Variants in GPM6A observed in about 807,000 individuals in gnomAD.
The protein encoded by GPM6A is neuronal membrane glycoprotein M6-a.
In GPM6A, 7 loss-of-function variants were observed where a neutral mutation model predicts 32.1. The ratio of observed to expected loss-of-function variants is 0.22; its 90% confidence interval spans 0.12 to 0.41. GPM6A has a LOEUF of 0.41. Among genes scored for constraint, GPM6A ranks in the 10% least tolerant of loss-of-function variants. The pLI, the probability that GPM6A is intolerant of heterozygous loss-of-function variation, is 1.00. For missense variants in GPM6A, 235 were observed against 347.2 expected, an observed-to-expected ratio of 0.68 and a Z score of 2.57; for synonymous variants, 130 against 123.4, an observed-to-expected ratio of 1.05 and a Z score of -0.35.
chr4:175,774,352 CATT>C (rs1236574130), intron 1 of GPM6A, among the ~76,000 whole-genome samples: 1 of 152,028 alleles, frequency 6.6e-6, no homozygotes, highest in Non-Finnish European at 1.5e-5. Context: ...TATTTAAAAA[CATT>C]AATAAGCATA....
At chr4:175,636,065 C>T (rs951015281) in intron 6 of GPM6A, among the ~76,000 whole-genome samples, 1 of 151,216 alleles carries the variant, frequency 6.6e-6, no homozygotes, top group Non-Finnish European at 1.5e-5. Flanking sequence ...CAACAAACAG[C>T]AAAAAACAAA....
At chr4:175,830,298 T>C (rs1384932618) in intron 1 of GPM6A, among the ~76,000 whole-genome samples, 1 of 152,216 alleles carries the variant, frequency 6.6e-6, no homozygotes, top group African/African-American at 2.4e-5. Context: ...ACAGTCTGAT[T>C]GCATTAAACT....
At chr4:175,846,344 T>G (rs751028822) in intron 1 of GPM6A, among the ~76,000 whole-genome samples, 1 of 152,160 alleles carries the variant, frequency 6.6e-6, no homozygotes, top group Non-Finnish European at 1.5e-5. Context: ...AATCCTATTT[T>G]AAGATCCTAA....
At chr4:175,876,476 C>A (rs1381094544) in intron 1 of GPM6A, among the ~76,000 whole-genome samples, 1 of 152,196 alleles carries the variant, frequency 6.6e-6, no homozygotes, top group Admixed American at 6.5e-5. Flanking sequence ...AAATATGCCA[C>A]TCTATCTATT....
intron 1 of GPM6A, among the ~76,000 whole-genome samples, chr4:175,774,784 A>G (rs1030108370): frequency 4.6e-5 from 7 of 152,046 alleles, no homozygotes; most frequent in African/African-American, 1.7e-4. Flanking sequence ...AATGAAGGAC[A>G]TTTTTCCTGG....
intron 1 of GPM6A, chr4:175,787,531 C>T (rs1244614985): frequency 5.6e-6 from 8 of 1,430,602 alleles, no homozygotes; most frequent in Non-Finnish European, 7.3e-6. Context: ...TTGATTTCAT[C>T]AGTATCAACA....
At chr4:175,792,458 T>C (rs1412355853) in intron 1 of GPM6A, among the ~76,000 whole-genome samples, 4 of 152,178 alleles carry the variant, frequency 2.6e-5, no homozygotes, top group Non-Finnish European at 5.9e-5. Flanking sequence ...ACCCTATATT[T>C]TTTTTACTGC....
chr4:175,862,399 T>C (rs1736601843), intron 1 of GPM6A, among the ~76,000 whole-genome samples: 2 of 152,228 alleles, frequency 1.3e-5, no homozygotes, highest in South Asian at 4.1e-4. Flanking sequence ...ACACTATTAA[T>C]ACATTCTTTT....
intron 6 of GPM6A, among the ~76,000 whole-genome samples, chr4:175,635,400 T>C (rs1432646149): frequency 6.6e-6 from 1 of 152,140 alleles, no homozygotes; most frequent in Admixed American, 6.6e-5. Flanking sequence ...CATGTATCTA[T>C]GTTTTATAAT....
At position 175,999,320 on chromosome 4, in the gene GPM6A, G is replaced by A. The variant is rs1288962517; in HGVS notation, c.-23+2989C>T. On this transcript the variant is annotated intron_variant, in intron 1 of 7. Transcript: ENST00000280187. ...TTCGCAGGTTAAAGTTCATCTTAAA[G>A]TTAAAATGTAAATACTCTTAGCAAT... is the stretch of plus-strand genomic sequence containing the variant. Among the ~76,000 whole-genome samples, 3 of 152,148 alleles carry A rather than the reference G, an allele frequency of 2.0e-5. No homozygotes were observed. In the South Asian group the frequency reaches 6.2e-4, roughly 31 times the overall value.
chr4:175,834,710 G>T (rs1223561386), intron 1 of GPM6A, among the ~76,000 whole-genome samples: 8 of 152,096 alleles, frequency 5.3e-5, no homozygotes, highest in Admixed American at 5.2e-4. Flanking sequence ...TCATAAAAAT[G>T]ATAATTATAA....
chr4:175,694,167 T>TA (rs1332746765), intron 2 of GPM6A, among the ~76,000 whole-genome samples: 1 of 152,228 alleles, frequency 6.6e-6, no homozygotes, highest in Admixed American at 6.5e-5. Context: ...CAGTTTCAAC[T>TA]ATTTCTTTAT....
chr4:175,786,634 G>A (rs548985220), intron 1 of GPM6A, among the ~76,000 whole-genome samples: 5 of 152,006 alleles, frequency 3.3e-5, no homozygotes, highest in East Asian at 3.9e-4. Context: ...GAGTCTAGAC[G>A]TTCCCTTCTC....
intron 1 of GPM6A, among the ~76,000 whole-genome samples, chr4:175,940,262 A>G (rs1739364280): frequency 6.7e-6 from 1 of 149,420 alleles, no homozygotes; most frequent in Non-Finnish European, 1.5e-5. Context: ...GCATCACAAC[A>G]ATCTACAATA....
At chr4:175,852,209 G>C (rs1368059036) in intron 1 of GPM6A, among the ~76,000 whole-genome samples, 1 of 151,994 alleles carries the variant, frequency 6.6e-6, no homozygotes. Flanking sequence ...CATCAGTTTG[G>C]AATGAATAAA....
intron 1 of GPM6A, among the ~76,000 whole-genome samples, chr4:175,954,138 G>A (rs1473237688): frequency 6.6e-6 from 1 of 152,180 alleles, no homozygotes; most frequent in Non-Finnish European, 1.5e-5. Flanking sequence ...GTCTGAGAAG[G>A]TAGACACTAG....
intron 1 of GPM6A, among the ~76,000 whole-genome samples, chr4:175,799,807 T>C (rs1734399008): frequency 6.7e-6 from 1 of 150,088 alleles, no homozygotes; most frequent in Admixed American, 6.7e-5. Flanking sequence ...CCCCAGTAGC[T>C]GGGACTACAG....
intron 1 of GPM6A, among the ~76,000 whole-genome samples, chr4:175,794,781 C>T (rs144767722): frequency 2.7e-3 from 414 of 152,192 alleles, no homozygotes; most frequent in Non-Finnish European, 3.7e-3. Flanking sequence ...TGCTGAGAGA[C>T]TATTTCAATG....
intron 1 of GPM6A, among the ~76,000 whole-genome samples, chr4:175,882,194 C>G (rs1453466854): frequency 6.6e-6 from 1 of 151,778 alleles, no homozygotes; most frequent in Non-Finnish European, 1.5e-5. Context: ...TCCATTGTGC[C>G]TGAGGTAGCG....
Sources: allele counts gnomAD v4.1 joint callset (sites outside exome capture counted in the v4.1 genomes callset), GRCh38; gene constraint gnomAD v4.1.1; transcripts MANE v1.5; gene names NCBI Gene and HGNC (gene_info 2026-07-23, HGNC 2026-07-21).